Variants in SLX4 observed in about 807,000 individuals in gnomAD.
SLX4 encodes the protein structure-specific endonuclease subunit SLX4.
In SLX4, 112 loss-of-function variants were observed where a neutral mutation model predicts 146.2. The observed-to-expected ratio is 0.77, with a 90% CI of 0.66 to 0.90. The LOEUF (loss-of-function observed/expected upper bound fraction) is 0.90, where lower values mean the gene tolerates loss of function less well. Among genes scored for constraint, SLX4 ranks in the 40% least tolerant of loss-of-function variants. SLX4 has a pLI of 0.00. For missense variants in SLX4, 2,563 were observed against 2,392.7 expected (o/e 1.07, Z -1.49); for synonymous variants, 1,061 against 997.7 (o/e 1.06, Z -1.20).
In SLX4 at chr16:3,589,522, C is replaced by A. The variant is rs765606538; in HGVS notation, c.4116G>T (p.Arg1372=). The A allele has an allele frequency of 6.2e-6, 10 of 1,609,736 alleles. No homozygotes were observed. In the African/African-American group the frequency reaches 1.2e-4, roughly 19 times the overall value. ...ISGDRAHFSR[R]FLKHSPPGPS... ...GCCCAGGCGGCGAGTGTTTCAGGAA[C>A]CGCCTGCTGAAGTGGGCGCGGTCCC... Residue 1372 remains arginine (R), a synonymous_variant, in exon 12 of 15, where the codon CGG becomes CGT. Transcript: ENST00000294008. The surrounding 1 kb of genome is among the most constrained non-coding windows in gnomAD (Gnocchi z 6.2).
chr16:3,591,343 T>G (rs1215764499), intron 11 of SLX4, 33 bp from the exon 12 acceptor site: 1 of 1,605,438 alleles, frequency 6.2e-7, no homozygotes, highest in East Asian at 2.2e-5. Flanking sequence ...TCATCGCCCC[T>G]CTGCGTGGAG....
Position 3,590,368 on chromosome 16 carries a change from C to T in SLX4, c.3270G>A (p.Thr1090=), listed in dbSNP as rs772277772. The T allele has an allele frequency of 8.1e-6, 13 of 1,614,122 alleles. No homozygotes were observed. In the Admixed American group the frequency reaches 1.0e-4, roughly 12 times the overall value. Residue 1090 remains threonine, a synonymous_variant, in exon 12 of 15, where the codon ACG becomes ACA. Coordinates refer to ENST00000294008, the MANE Select transcript of SLX4 (RefSeq NM_032444.4). This position sits in a 1 kb window ranked among gnomAD's most constrained non-coding sequence, Gnocchi z 4.8. ...SKQKRDRSIL[T]LSKEPGHQKG... ...TCTGGTGCCCTGGCTCTTTAGACAG[C>T]GTGAGGATGCTCCTGTCCCTTTTCT...
Position 3,582,947 on chromosome 16 carries a change from C to G in SLX4, c.5153+150G>C. 2.8e-6 allele frequency: 3 copies of G among 1,064,218 alleles called. No homozygotes were observed. In the Admixed American group the frequency reaches 5.9e-5, roughly 21 times the overall value. 65.9% of individuals were successfully genotyped at this position (1,064,218 alleles called of 1,614,324 possible). A position where few individuals can be genotyped will look rare whatever the true frequency, so the allele number is the denominator to read the frequency against. On this transcript the variant is annotated intron_variant, in intron 14 of 14. Coordinates refer to ENST00000294008, the MANE Select transcript of SLX4 (RefSeq NM_032444.4). ...AGGGCTGGGGTCAGGGAACCAGCCC[C>G]CTAAACCCACCTGGTTTTCCCACAG...
chr16:3,603,140 G>A (rs2151135620), intron 3 of SLX4, among the ~76,000 whole-genome samples: 1 of 152,260 alleles, frequency 6.6e-6, no homozygotes, highest in South Asian at 2.1e-4. Context: ...TGCAACCTCT[G>A]CCTCCCGGGT....
In SLX4 at chr16:3,608,576, G is replaced by A. The variant is rs769286208; in HGVS notation, c.389C>T (p.Ala130Val). 1 of 1,614,154 alleles carries A rather than the reference G, an allele frequency of 6.2e-7. No individual in the cohort carries two copies. Among genetic ancestry groups the A allele is most frequent in the Non-Finnish European group, 8.5e-7 (1 of 1,180,030 alleles). The change falls in exon 2 of 15, where the codon GCA (alanine) becomes GTA (valine). Residue 130 changes from alanine to valine, a missense_variant. Physicochemically the swap from Ala to Val is moderately conservative, Grantham distance 64. Coordinates refer to ENST00000294008, the MANE Select transcript of SLX4 (RefSeq NM_032444.4). ...ATTCACAGAGTGGGCCGGTTCACTT[G>A]CTTGCCATTTGGTTACCCTTTGCTT... ...TKKQRVTKWQ[A>V]SEPAHSVNGE...
rs1433489753 is a variant in SLX4, at chr16:3,590,237, G to A, written c.3401C>T (p.Ser1134Leu). 1.9e-6 allele frequency: 3 copies of A among 1,614,192 alleles called. No homozygotes were observed. The highest frequency in any genetic ancestry group is 1.3e-5 in the African/African-American group (1 of 75,042). ...TGAAGATTTCTGAGATCTGGAGCTCGAATGGTCAGGATTTGACTGGGTTAG... is the reference window on the plus strand; with the variant it reads ...TGAAGATTTCTGAGATCTGGAGCTCAAATGGTCAGGATTTGACTGGGTTAG... Reference protein sequence around the residue: ...IDLTQSNPDHSSSRSQKSSSK... With the variant: ...IDLTQSNPDHLSSRSQKSSSK... The change falls in exon 12 of 15, where the codon TCG becomes TTG. Residue 1134 changes from serine to leucine, a missense_variant. Physicochemically the swap from Ser to Leu is moderately radical, Grantham distance 145. Transcript: ENST00000294008. The surrounding 1 kb of genome is among the most constrained non-coding windows in gnomAD (Gnocchi z 4.8).
At chr16:3,587,389 G>A (rs1040765118) in intron 12 of SLX4, among the ~76,000 whole-genome samples, 1 of 152,056 alleles carries the variant, frequency 6.6e-6, no homozygotes. Flanking sequence ...CCAGCTACTC[G>A]GGAGGCTGAG....
chr16:3,600,400 C>T (rs1162427797), intron 5 of SLX4, among the ~76,000 whole-genome samples: 1 of 152,124 alleles, frequency 6.6e-6, no homozygotes, highest in Non-Finnish European at 1.5e-5. Flanking sequence ...GGATTGGAAA[C>T]TCAGGAAGGA....
intron 11 of SLX4, 88 bp from the exon 12 acceptor site, chr16:3,591,398 C>T: frequency 6.4e-7 from 1 of 1,565,046 alleles, no homozygotes; most frequent in Non-Finnish European, 8.6e-7. Flanking sequence ...AGAGCAGAGT[C>T]TTCACCAGGA....
In SLX4 at chr16:3,596,271, A is replaced by C; in HGVS notation, c.1806T>G (p.Pro602=). Residue 602 remains proline (P), a synonymous_variant, in exon 8 of 15, where the codon CCT becomes CCG. Coordinates refer to ENST00000294008, the MANE Select transcript of SLX4 (RefSeq NM_032444.4). ...TAGCGSRGPS[P]SASQREHQAL... is the part of the protein sequence containing the mutation. Reference sequence around the variant, plus strand: ...CCTGGTGCTCCCTCTGGCTGGCCGAAGGCGACGGGCCCCTGGAGCCACAGC... The same window carrying C: ...CCTGGTGCTCCCTCTGGCTGGCCGACGGCGACGGGCCCCTGGAGCCACAGC... 6.4e-7 allele frequency: 1 copy of C among 1,564,730 alleles called. No individual in the cohort carries two copies. Among genetic ancestry groups the C allele is most frequent in the Non-Finnish European group, 8.7e-7 (1 of 1,155,974 alleles).
At chr16:3,599,812 C>G (rs2040706561) in intron 5 of SLX4, among the ~76,000 whole-genome samples, 1 of 152,150 alleles carries the variant, frequency 6.6e-6, no homozygotes, top group South Asian at 2.1e-4. Flanking sequence ...CCTTGAACTC[C>G]TGGGCTCAAG....
Position 3,589,041 on chromosome 16 carries a change from C to A in SLX4, c.4597G>T (p.Ala1533Ser), listed in dbSNP as rs200377191. Residue 1533 changes from alanine to serine, a missense_variant, in exon 12 of 15, where the codon GCT (alanine) becomes TCT (serine). By Grantham distance (99) the Ala-to-Ser change is moderately conservative. Transcript: ENST00000294008. This position sits in a 1 kb window ranked among gnomAD's most constrained non-coding sequence, Gnocchi z 6.2. ...CCTTCGGGCTTCTGAGCTCCACCAG[C>A]GCTTGGCATCTGGGCCGGAGGAGGG... ...ETPPPAQMPSAGGAQKPEGLE... is the reference protein window; with the variant it reads ...ETPPPAQMPSSGGAQKPEGLE... The A allele has an allele frequency of 6.2e-7, 1 of 1,614,170 alleles. No individual in the cohort carries two copies. Among genetic ancestry groups the A allele is most frequent in the Non-Finnish European group, 8.5e-7 (1 of 1,180,044 alleles).
In SLX4 at chr16:3,589,278, G is replaced by C; in HGVS notation, c.4360C>G (p.Pro1454Ala). ...GCGGCCTCGTTCATCCTGCGGCTGG[G>C]GCTGCTGGTGCTCAGGGGGCCGGTC... is the stretch of plus-strand genomic sequence containing the variant. ...ERTGPLSTSSPSRRMNEAADS... is the reference protein window; with the variant it reads ...ERTGPLSTSSASRRMNEAADS... The change falls in exon 12 of 15, where the codon CCC becomes GCC. Residue 1454 changes from proline (P) to alanine (A), a missense_variant. By Grantham distance (27) the Pro-to-Ala change is conservative. Coordinates refer to ENST00000294008, the MANE Select transcript of SLX4 (RefSeq NM_032444.4). The surrounding 1 kb of genome is among the most constrained non-coding windows in gnomAD (Gnocchi z 6.2). 6.3e-7 allele frequency: 1 copy of C among 1,595,614 alleles called. No individual in the cohort carries two copies. Among genetic ancestry groups the C allele is most frequent in the South Asian group, 1.1e-5 (1 of 88,314 alleles).
Position 3,609,074 on chromosome 16 carries a change from C to T in SLX4, c.-110G>A. ...TGAAGTATCTTTGTTCAAATTGGGC[C>T]TGTGGTTAAACATGTTTAAAGCTTC... is the stretch of plus-strand genomic sequence containing the variant. On this transcript the variant is annotated 5_prime_UTR_variant, in exon 2 of 15. Coordinates refer to ENST00000294008, the MANE Select transcript of SLX4 (RefSeq NM_032444.4). 5 of 1,363,110 alleles carry T rather than the reference C, an allele frequency of 3.7e-6. No homozygotes were observed. The South Asian group carries it at 6.2e-5, about 17-fold the overall frequency. The allele number at this position is 1,363,110 out of a possible 1,614,324, so 84.4% of individuals were successfully genotyped here.
chr16:3,607,123 T>G (rs1354549272), intron 2 of SLX4, among the ~76,000 whole-genome samples: 2 of 152,226 alleles, frequency 1.3e-5, no homozygotes, highest in African/African-American at 4.8e-5. Flanking sequence ...GATCAGTTCT[T>G]CTTTAACTTG....
chr16:3,582,350 G>A lies in SLX4; in HGVS notation c.5497C>T (p.Arg1833Trp), dbSNP rs375100050. 3.7e-6 allele frequency: 6 copies of A among 1,611,276 alleles called. No homozygotes were observed. Among genetic ancestry groups the A allele is most frequent in the East Asian group, 4.5e-5 (2 of 44,884 alleles). The part of the protein sequence containing the change: ...RQPRGKKKVE[R>W]N The stretch of plus-strand genomic sequence containing the variant: ...GGGTCGGGATGGCCCCATCAGTTCC[G>A]CTCCACCTTCTTCTTGCCCCGAGGC... The change falls in exon 15 of 15, where the codon CGG becomes TGG. Residue 1833 changes from arginine to tryptophan, a missense_variant. Coordinates refer to ENST00000294008, the MANE Select transcript of SLX4 (RefSeq NM_032444.4).
chr16:3,607,246 C>T (rs1167440232), intron 2 of SLX4, among the ~76,000 whole-genome samples: 5 of 152,034 alleles, frequency 3.3e-5, no homozygotes, highest in Admixed American at 6.6e-5. Flanking sequence ...AGATTTCATC[C>T]GACTGGCAAA....
chr16:3,583,830 C>A (rs984474025), intron 13 of SLX4, among the ~76,000 whole-genome samples: 16 of 151,864 alleles, frequency 1.1e-4, no homozygotes, highest in Non-Finnish European at 2.1e-4. Flanking sequence ...TAGCAAGACC[C>A]CGCCTCTACA....
rs760656992 is a variant in SLX4, at chr16:3,589,975, C to T, written c.3663G>A (p.Ala1221=). 81 of 1,613,944 alleles carry T rather than the reference C, an allele frequency of 5.0e-5. No homozygotes were observed. The East Asian group carries it at 5.8e-4, about 12-fold the overall frequency. The change falls in exon 12 of 15, where the codon GCG becomes GCA. Residue 1221 remains alanine (A), a synonymous_variant. Transcript: ENST00000294008. The surrounding 1 kb of genome is among the most constrained non-coding windows in gnomAD (Gnocchi z 6.2). The stretch of plus-strand genomic sequence containing the variant: ...CCAAAGAGCCCCGATTCTCCGGCAG[C>T]GCCCCCTCATCCTCCTGCTGCAGCA... ...EAVLQQEDEG[A]LPENRGSLGR...
Sources: gnomAD v4.1 joint callset for allele counts (sites outside exome capture counted in the v4.1 genomes callset) on GRCh38, gnomAD v4.1.1 for gene constraint, Gnocchi (gnomAD v3.1) non-coding constraint, MANE v1.5 for transcripts, NCBI Gene and HGNC (gene_info 2026-07-23, HGNC 2026-07-21) for gene names.